CTNND2: variants seen among roughly 807,000 people sequenced by gnomAD.
CTNND2 encodes catenin delta 2.
CTNND2 carries 22 observed loss-of-function variants against 144.4 expected under a neutral mutation model. That is an observed-to-expected ratio of 0.15 (90% CI 0.11 to 0.22). The LOEUF is 0.22. Among genes scored for constraint, CTNND2 ranks in the 10% least tolerant of loss-of-function variants. The probability of loss-of-function intolerance (pLI) is 1.00; values close to 1 mark genes in which losing one functional copy is unlikely to be tolerated. For synonymous variants in CTNND2, 751 were observed against 695.6 expected (o/e 1.08, Z -1.25); for missense variants, 1,353 against 1,618.8 (o/e 0.84, Z 2.82).
intron 7 of CTNND2, among the ~76,000 whole-genome samples, chr5:11,376,927 C>G (rs559373168): frequency 5.9e-5 from 9 of 152,318 alleles, no homozygotes; most frequent in Non-Finnish European, 1.2e-4. Flanking sequence ...CTCCAAAGTC[C>G]AGACAGAGCT....
intron 3 of CTNND2, among the ~76,000 whole-genome samples, chr5:11,500,835 G>T (rs1204094958): frequency 6.6e-6 from 1 of 152,040 alleles, no homozygotes; most frequent in African/African-American, 2.4e-5. Flanking sequence ...TGATTTTTTT[G>T]TATTCTCTCA....
intron 2 of CTNND2, among the ~76,000 whole-genome samples, chr5:11,713,968 A>G (rs1418608106): frequency 6.6e-6 from 1 of 152,206 alleles, no homozygotes; most frequent in African/African-American, 2.4e-5. Context: ...CCATTCAAGT[A>G]TGGCAGGTCC....
intron 16 of CTNND2, among the ~76,000 whole-genome samples, chr5:11,074,171 C>A (rs1285807497): frequency 6.6e-6 from 1 of 152,214 alleles, no homozygotes; most frequent in Non-Finnish European, 1.5e-5. Flanking sequence ...TGATCAGTGA[C>A]CCTCAAGAGG....
At chr5:11,327,591 A>G (rs563081500) in intron 9 of CTNND2, among the ~76,000 whole-genome samples, 2 of 152,336 alleles carry the variant, frequency 1.3e-5, no homozygotes, top group South Asian at 4.1e-4. Flanking sequence ...TGTTAAGGTC[A>G]AGTGATCCTG....
At chr5:11,224,382 G>C (rs32257) in intron 10 of CTNND2, among the ~76,000 whole-genome samples, 137,215 of 152,216 alleles carry the variant, frequency 0.9, 61,963 homozygotes, top group East Asian at 0.99. Context: ...GTTCACAAAG[G>C]TTGTAGACCC....
intron 12 of CTNND2, among the ~76,000 whole-genome samples, chr5:11,129,521 A>G (rs1267344544): frequency 6.7e-6 from 1 of 150,360 alleles, no homozygotes; most frequent in Non-Finnish European, 1.5e-5. Flanking sequence ...ACGTGCTTCA[A>G]TATATTCTGC....
At chr5:11,101,115 C>A (rs1201685879) in intron 14 of CTNND2, among the ~76,000 whole-genome samples, 1 of 152,124 alleles carries the variant, frequency 6.6e-6, no homozygotes, top group African/African-American at 2.4e-5. Flanking sequence ...GGATTCTTGG[C>A]TATTTTAGCA....
chr5:11,141,327 C>T (rs1756700659), intron 12 of CTNND2, among the ~76,000 whole-genome samples: 1 of 151,346 alleles, frequency 6.6e-6, no homozygotes, highest in Admixed American at 6.6e-5. Flanking sequence ...TGTTGGTGAA[C>T]ACAATAATAG....
chr5:11,399,294 G>T (rs778399262), intron 5 of CTNND2, among the ~76,000 whole-genome samples: 1 of 152,276 alleles, frequency 6.6e-6, no homozygotes, highest in South Asian at 2.1e-4. Context: ...CAGATACAAC[G>T]ACAGTGCACA....
chr5:10,997,722 T>C (rs567978683), intron 18 of CTNND2, among the ~76,000 whole-genome samples: 2 of 152,198 alleles, frequency 1.3e-5, no homozygotes, highest in Non-Finnish European at 2.9e-5. Context: ...AAGGTGTGCT[T>C]TGGGATTCCA....
chr5:11,119,298 G>T (rs967641730), intron 12 of CTNND2, among the ~76,000 whole-genome samples: 2 of 152,154 alleles, frequency 1.3e-5, no homozygotes, highest in South Asian at 4.1e-4. Context: ...TGTTAAGATA[G>T]GCTCTATCAG....
chr5:11,593,422 A>G (rs1779356019), intron 2 of CTNND2, among the ~76,000 whole-genome samples: 1 of 152,174 alleles, frequency 6.6e-6, no homozygotes, highest in Non-Finnish European at 1.5e-5. Context: ...AAACAACCAC[A>G]TGACCCATGT....
chr5:11,340,439 G>A (rs1754134127), intron 9 of CTNND2, among the ~76,000 whole-genome samples: 3 of 152,220 alleles, frequency 2.0e-5, no homozygotes, highest in African/African-American at 7.2e-5. Context: ...CCTGAGGAGT[G>A]AGGGCTGCAG....
intron 2 of CTNND2, among the ~76,000 whole-genome samples, chr5:11,662,246 T>C (rs1161920216): frequency 7.5e-6 from 1 of 133,540 alleles, no homozygotes; most frequent in African/African-American, 3.4e-5. Context: ...TATATATACA[T>C]ATATGTGTGT....
chr5:11,834,972 C>G (rs371917268), intron 1 of CTNND2, among the ~76,000 whole-genome samples: 1 of 151,602 alleles, frequency 6.6e-6, no homozygotes, highest in Non-Finnish European at 1.5e-5. Flanking sequence ...AATCCCATCT[C>G]TACAAAAAAT....
At chr5:11,514,865 C>T (rs916349697) in intron 3 of CTNND2, among the ~76,000 whole-genome samples, 3 of 152,136 alleles carry the variant, frequency 2.0e-5, no homozygotes, top group Admixed American at 2.0e-4. Flanking sequence ...TGCAGTGGTG[C>T]GATCGTGGCT....
At chr5:11,350,488 A>T (rs1755219360) in intron 8 of CTNND2, among the ~76,000 whole-genome samples, 1 of 152,164 alleles carries the variant, frequency 6.6e-6, no homozygotes. Flanking sequence ...TTTCAAAAAG[A>T]TTATATATTT....
intron 16 of CTNND2, among the ~76,000 whole-genome samples, chr5:11,041,094 A>C (rs1389928031): frequency 6.6e-6 from 1 of 152,212 alleles, no homozygotes; most frequent in Non-Finnish European, 1.5e-5. Flanking sequence ...GAATAGCAGT[A>C]ATTCATTGAT....
At chr5:11,050,885 G>T (rs1827360) in intron 16 of CTNND2, among the ~76,000 whole-genome samples, 11,119 of 152,206 alleles carry the variant, frequency 0.073, 529 homozygotes, top group Non-Finnish European at 0.1. Flanking sequence ...TCCACTTCTG[G>T]TTGGCTCATA....
Sources: gnomAD v4.1 joint callset for allele counts (sites outside exome capture counted in the v4.1 genomes callset) on GRCh38, gnomAD v4.1.1 for gene constraint, MANE v1.5 for transcripts, NCBI Gene and HGNC (gene_info 2026-07-23, HGNC 2026-07-21) for gene names.